The following KCNMB4 variants were observed in gnomAD, a reference collection of about 807,000 sequenced individuals.
KCNMB4 encodes potassium calcium-activated channel subfamily M regulatory beta subunit 4.
KCNMB4 carries 3 observed loss-of-function variants against 20.7 expected under a neutral mutation model. The ratio of observed to expected loss-of-function variants is 0.14; its 90% CI spans 0.07 to 0.37. The LOEUF is 0.37. Ranked by LOEUF, KCNMB4 falls within the 10% of genes least tolerant of loss-of-function variation. KCNMB4 has a pLI of 1.00. For synonymous variants in KCNMB4, 110 were observed against 113.4 expected (o/e 0.97, Z 0.19); for missense variants, 168 against 265.9 (o/e 0.63, Z 2.56).
intron 1 of KCNMB4, among the ~76,000 whole-genome samples, chr12:70,381,424 A>G: frequency 6.6e-6 from 1 of 152,230 alleles, no homozygotes; most frequent in Non-Finnish European, 1.5e-5. Flanking sequence ...GAAACTTTGT[A>G]CATGACTCTT....
intron 1 of KCNMB4, among the ~76,000 whole-genome samples, chr12:70,371,997 C>T (rs7957322): frequency 0.023 from 3,555 of 152,162 alleles, 82 homozygotes; most frequent in Admixed American, 0.048. Context: ...CAGGGAAGGC[C>T]GCTCTGATGA....
chr12:70,410,293 A>G (rs1227920253), intron 2 of KCNMB4, among the ~76,000 whole-genome samples: 1 of 152,208 alleles, frequency 6.6e-6, no homozygotes, highest in East Asian at 1.9e-4. Flanking sequence ...TTTTATTACT[A>G]TTATTAAGAT....
chr12:70,388,395 A>C (rs946374853), intron 1 of KCNMB4, among the ~76,000 whole-genome samples: 1 of 152,038 alleles, frequency 6.6e-6, no homozygotes, highest in Non-Finnish European at 1.5e-5. Flanking sequence ...TTTTTGAGTA[A>C]CTACATTGTT....
chr12:70,398,182 C>G (rs2136128481), intron 1 of KCNMB4, among the ~76,000 whole-genome samples: 1 of 152,174 alleles, frequency 6.6e-6, no homozygotes, highest in Non-Finnish European at 1.5e-5. Flanking sequence ...CCAGCCATCT[C>G]CCCAGTGGGC....
rs141337050 is a variant in KCNMB4 at position 70,393,100 on chromosome 12, T to A, written c.337-7109T>A. Among the ~76,000 whole-genome samples the A allele has an allele frequency of 4.7e-4, 72 of 152,326 alleles. No individual in the cohort carries two copies. In the East Asian group the frequency reaches 0.014, roughly 29 times the overall value. On this transcript the variant is annotated intron_variant, in intron 1 of 2. Coordinates refer to ENST00000258111, the MANE Select transcript of KCNMB4 (RefSeq NM_014505.6). Reference sequence around the variant, plus strand: ...TGTTTGTTATAATTATTAATAACTATTGAACTTCTTCCAGATTAAAATTTC... The same window carrying A: ...TGTTTGTTATAATTATTAATAACTAATGAACTTCTTCCAGATTAAAATTTC...
At chr12:70,416,177 G>A (rs1257502316) in intron 2 of KCNMB4, among the ~76,000 whole-genome samples, 1 of 152,154 alleles carries the variant, frequency 6.6e-6, no homozygotes, top group Non-Finnish European at 1.5e-5. Context: ...TCAGAAGCTT[G>A]TAACAACCAA....
At chr12:70,384,873 C>CAAAAAAAAAAA (rs57306622) in intron 1 of KCNMB4, among the ~76,000 whole-genome samples, 13 of 74,312 alleles carry the variant, frequency 1.7e-4, no homozygotes, top group Admixed American at 5.2e-4. Context: ...GACCCTGTCT[C>CAAAAAAAAAAA]AAAAAAAAAA....
chr12:70,422,634 T>G, intron 2 of KCNMB4: 1 of 1,173,134 alleles, frequency 8.5e-7, no homozygotes, highest in Non-Finnish European at 1.1e-6. Flanking sequence ...AAGCTGACTT[T>G]AGAATAAAAT....
intron 2 of KCNMB4, among the ~76,000 whole-genome samples, chr12:70,425,249 A>C (rs1253177588): frequency 6.6e-6 from 1 of 152,070 alleles, no homozygotes; most frequent in Non-Finnish European, 1.5e-5. Flanking sequence ...ATCCTGGCTA[A>C]CACAGTGAAA....
rs559487335 is a variant in KCNMB4 at position 70,383,969 on chromosome 12, T to G, written c.337-16240T>G. ...CTATAACCCCAGCTACTCAGGAGGC[T>G]GAGGCAGGAAAATCACTTGAACCCA... On this transcript the variant is annotated intron_variant, in intron 1 of 2. Transcript: ENST00000258111. 2.6e-5 allele frequency among the ~76,000 whole-genome samples: 4 copies of G among 152,254 alleles called. No individual in the cohort carries two copies. In the South Asian group the frequency reaches 6.2e-4, roughly 24 times the overall value.
At chr12:70,410,086 T>C (rs1280614333) in intron 2 of KCNMB4, among the ~76,000 whole-genome samples, 1 of 152,220 alleles carries the variant, frequency 6.6e-6, no homozygotes, top group African/African-American at 2.4e-5. Flanking sequence ...TTCACCTTTT[T>C]TACTTCTGGG....
intron 2 of KCNMB4, among the ~76,000 whole-genome samples, chr12:70,413,138 T>C (rs1002896370): frequency 2.0e-5 from 3 of 152,182 alleles, no homozygotes; most frequent in African/African-American, 7.2e-5. Flanking sequence ...TCCAGTATGC[T>C]GTGGAATATA....
chr12:70,381,048 C>G (rs1883776786), intron 1 of KCNMB4, among the ~76,000 whole-genome samples: 1 of 148,876 alleles, frequency 6.7e-6, no homozygotes, highest in Non-Finnish European at 1.5e-5. Flanking sequence ...GCTTACAACA[C>G]AACAAGACAA....
rs1209704922 is a variant in KCNMB4 at position 70,388,883 on chromosome 12, C to A, written c.337-11326C>A. On this transcript the variant is annotated intron_variant, in intron 1 of 2. Coordinates refer to ENST00000258111, the MANE Select transcript of KCNMB4 (RefSeq NM_014505.6). ...GTTTTGAAAATCAAATTGCACTGTA[C>A]TTTTATTTGAGGGTAAGGAGTAGTA... 2.0e-5 allele frequency among the ~76,000 whole-genome samples: 3 copies of A among 151,640 alleles called. No homozygotes were observed. The East Asian group carries it at 5.8e-4, about 29-fold the overall frequency.
At chr12:70,382,504 G>A (rs887709473) in intron 1 of KCNMB4, among the ~76,000 whole-genome samples, 2 of 151,374 alleles carry the variant, frequency 1.3e-5, no homozygotes, top group African/African-American at 2.4e-5. Flanking sequence ...TAAAATTTGG[G>A]TAAATATATA....
chr12:70,384,077 C>T (rs1364445928), intron 1 of KCNMB4, among the ~76,000 whole-genome samples: 1 of 152,036 alleles, frequency 6.6e-6, no homozygotes, highest in Non-Finnish European at 1.5e-5. Flanking sequence ...TCAAAACAAA[C>T]AAAAAACACC....
At chr12:70,427,170 T>TA (rs1184264186) in intron 2 of KCNMB4, among the ~76,000 whole-genome samples, 1 of 152,216 alleles carries the variant, frequency 6.6e-6, no homozygotes, top group Non-Finnish European at 1.5e-5. Context: ...ACCATATAAT[T>TA]ACGGCAAATT....
At position 70,432,926 on chromosome 12, in the gene KCNMB4, C is replaced by T. The variant is rs1869407124; in HGVS notation, c.*2273C>T. ...GAAAAAAGGGGAAGTTGATATATAT[C>T]AATCTTAGTTTTCATTTATCAGTTT... On this transcript the variant is annotated 3_prime_UTR_variant, in exon 3 of 3. Coordinates refer to ENST00000258111, the MANE Select transcript of KCNMB4 (RefSeq NM_014505.6). The T allele has an allele frequency of 6.6e-6, 1 of 152,080 alleles. No individual in the cohort carries two copies. The highest frequency in any genetic ancestry group is 1.5e-5 in the Non-Finnish European group (1 of 68,020). 9.4% of individuals were successfully genotyped at this position (152,080 alleles called of 1,614,324 possible). A position where few individuals can be genotyped will look rare whatever the true frequency, so the allele number is the denominator to read the frequency against.
At chr12:70,391,160 C>T (rs1868295820) in intron 1 of KCNMB4, among the ~76,000 whole-genome samples, 1 of 152,086 alleles carries the variant, frequency 6.6e-6, no homozygotes, top group Non-Finnish European at 1.5e-5. Context: ...TGTTTTTATA[C>T]TTTCAGGTAT....
Sources: gnomAD v4.1 joint callset for allele counts (sites outside exome capture counted in the v4.1 genomes callset) on GRCh38, gnomAD v4.1.1 for gene constraint, MANE v1.5 for transcripts, NCBI Gene and HGNC (gene_info 2026-07-23, HGNC 2026-07-21) for gene names.